GADL1: variants seen among roughly 807,000 people sequenced by gnomAD.
GADL1 encodes GAD like acidic amino acid decarboxylase 1.
Under a neutral mutation model 69.5 loss-of-function variants are expected in GADL1, and 71 were observed. The observed-to-expected ratio is 1.02, with a 90% CI of 0.84 to 1.25. GADL1 has a LOEUF of 1.25. Among genes scored for constraint, GADL1 ranks in the 50% most tolerant of loss-of-function variants. The pLI, the probability that GADL1 is intolerant of heterozygous loss-of-function variation, is 0.00. For missense variants in GADL1, 737 were observed against 631.8 expected, an observed-to-expected ratio of 1.17 and a Z score of -1.79; for synonymous variants, 254 against 214.4, an observed-to-expected ratio of 1.18 and a Z score of -1.62.
intron 14 of GADL1, among the ~76,000 whole-genome samples, chr3:30,752,949 T>A (rs993634926): frequency 8.2e-6 from 1 of 122,296 alleles, no homozygotes; most frequent in African/African-American, 3.4e-5. Flanking sequence ...CAATCCTCGT[T>A]TTTTAACTTG....
intron 14 of GADL1, among the ~76,000 whole-genome samples, chr3:30,757,464 G>T (rs936108741): frequency 1.3e-5 from 2 of 152,206 alleles, no homozygotes; most frequent in Non-Finnish European, 2.9e-5. Context: ...AGGGAAACCA[G>T]TTAGTCTCTT....
rs925584812 is a variant in GADL1, at chr3:30,861,639, A to G, written c.164T>C (p.Leu55Pro). ...GEKFVEEACR[L>P]IMEEVVLKAT... ...TTTCAAAACCACCTCTTCCATTATT[A>G]GCCTACAGGCCTCTTCAACAAATTT... Residue 55 changes from leucine to proline, a missense_variant, in exon 2 of 15, where the codon CTA (leucine) becomes CCA (proline). Transcript: ENST00000282538. The G allele has an allele frequency of 9.9e-5, 154 of 1,549,992 alleles. No individual in the cohort carries two copies. Among genetic ancestry groups the G allele is most frequent in the Non-Finnish European group, 1.2e-4 (138 of 1,145,972 alleles).
intron 14 of GADL1, among the ~76,000 whole-genome samples, chr3:30,742,080 C>G (rs191568723): frequency 6.6e-6 from 1 of 152,310 alleles, no homozygotes; most frequent in East Asian, 1.9e-4. Flanking sequence ...TGAGTAAAGA[C>G]GCTTCCAGAA....
Position 30,816,530 on chromosome 3 carries a change from C to CTTTTTTTTTT in GADL1, c.1051-15452_1051-15443dup, listed in dbSNP as rs773530741. 1.5e-3 allele frequency among the ~76,000 whole-genome samples: 82 copies of CTTTTTTTTTT among 53,984 alleles called. 24 individuals carry two copies. Among genetic ancestry groups the CTTTTTTTTTT allele is most frequent in the Non-Finnish European group, 2.1e-3 (54 of 25,434 alleles). 35.4% of individuals were successfully genotyped at this position (53,984 alleles called of 152,430 possible). A position where few individuals can be genotyped will look rare whatever the true frequency, so the allele number is the denominator to read the frequency against. On this transcript the variant is annotated intron_variant, in intron 11 of 14. Coordinates refer to ENST00000282538, the MANE Select transcript of GADL1 (RefSeq NM_207359.3). The stretch of plus-strand genomic sequence containing the variant: ...AGACCATATATTCTTAATTTGTTTT[C>CTTTTTTTTTT]TTTTTTTTTTTTTTTTTTTTTTTTT...
intron 14 of GADL1, among the ~76,000 whole-genome samples, chr3:30,729,662 C>T (rs564782621): frequency 3.3e-5 from 5 of 152,308 alleles, no homozygotes; most frequent in Admixed American, 1.3e-4. Flanking sequence ...TGACACTCAA[C>T]ACAATCTTGA....
intron 4 of GADL1, among the ~76,000 whole-genome samples, chr3:30,852,897 C>G (rs1698171441): frequency 6.6e-6 from 1 of 152,110 alleles, no homozygotes; most frequent in African/African-American, 2.4e-5. Flanking sequence ...TTTACTGTCT[C>G]TCCTGACTTA....
chr3:30,835,186 T>C (rs1175773806), intron 9 of GADL1, among the ~76,000 whole-genome samples: 2 of 152,024 alleles, frequency 1.3e-5, no homozygotes, highest in Admixed American at 6.6e-5. Flanking sequence ...AGATCTGAGA[T>C]TCAAAGCCCA....
intron 1 of GADL1, among the ~76,000 whole-genome samples, chr3:30,891,702 A>C (rs544423848): frequency 1.3e-5 from 2 of 152,340 alleles, no homozygotes; most frequent in East Asian, 3.9e-4. Context: ...TGACTTGTTA[A>C]CGAAGGTTAC....
intron 9 of GADL1, among the ~76,000 whole-genome samples, chr3:30,838,576 C>G (rs1697910291): frequency 1.3e-5 from 2 of 152,054 alleles, no homozygotes; most frequent in African/African-American, 4.8e-5. Flanking sequence ...AGAAAGATAC[C>G]TTACAGCCCA....
intron 9 of GADL1, among the ~76,000 whole-genome samples, chr3:30,836,595 C>T (rs1450323567): frequency 6.6e-6 from 1 of 151,874 alleles, no homozygotes. Context: ...ATATATTTGT[C>T]TTTAATTAGT....
intron 14 of GADL1, among the ~76,000 whole-genome samples, chr3:30,754,289 C>G (rs143941146): frequency 6.6e-6 from 1 of 152,104 alleles, no homozygotes; most frequent in African/African-American, 2.4e-5. Flanking sequence ...CACATGCAAG[C>G]CTTTTGTGGG....
chr3:30,750,406 A>G lies in GADL1; in HGVS notation c.1393-21991T>C, dbSNP rs532245660. On this transcript the variant is annotated intron_variant, in intron 14 of 14. Coordinates refer to ENST00000282538, the MANE Select transcript of GADL1 (RefSeq NM_207359.3). ...CTGTAACAGCACACGGAGTGGCACA[A>G]GTGGGTATGATGCATCGTCCACATC... Among the ~76,000 whole-genome samples the G allele has an allele frequency of 3.9e-5, 6 of 152,314 alleles. No individual in the cohort carries two copies. The South Asian group carries it at 1.2e-3, about 32-fold the overall frequency.
chr3:30,854,740 G>T lies in GADL1; in HGVS notation c.387C>A (p.Ser129=), dbSNP rs757744107. Residue 129 remains serine, a synonymous_variant, in exon 4 of 15, where the codon TCC becomes TCA. Transcript: ENST00000282538. The part of the protein sequence containing the change: ...NQLYAGLDYY[S]LVARFMTEAL... ...CTTCGGTCATAAATCGGGCCACCAAGGAGTAATAATCAAGTCCAGCATACA... is the reference window on the plus strand; with the variant it reads ...CTTCGGTCATAAATCGGGCCACCAATGAGTAATAATCAAGTCCAGCATACA... The T allele has an allele frequency of 5.8e-6, 9 of 1,549,818 alleles. No homozygotes were observed. The South Asian group carries it at 1.1e-4, about 18-fold the overall frequency.
chr3:30,748,487 C>A (rs552781914), intron 14 of GADL1, among the ~76,000 whole-genome samples: 1 of 152,036 alleles, frequency 6.6e-6, no homozygotes, highest in South Asian at 2.1e-4. Flanking sequence ...TTCCTTCTGC[C>A]GGAATGTCAG....
chr3:30,818,122 C>T (rs1361272510), intron 11 of GADL1, among the ~76,000 whole-genome samples: 1 of 152,112 alleles, frequency 6.6e-6, no homozygotes, highest in Non-Finnish European at 1.5e-5. Flanking sequence ...TAGACATGGG[C>T]ATAATGAACC....
chr3:30,801,192 A>G, intron 11 of GADL1, 104 bp from the exon 12 acceptor site: 1 of 802,604 alleles, frequency 1.2e-6, no homozygotes, highest in East Asian at 2.6e-5. Context: ...ACCTGTGCCA[A>G]GTGTACATCT....
chr3:30,847,038 A>C (rs1486350624), intron 6 of GADL1, among the ~76,000 whole-genome samples: 5 of 152,178 alleles, frequency 3.3e-5, no homozygotes, highest in African/African-American at 1.2e-4. Flanking sequence ...TTACTGCTTT[A>C]TGCTAATTCC....
At chr3:30,849,796 TAAAG>T (rs1223073939) in intron 6 of GADL1, among the ~76,000 whole-genome samples, 196 bp downstream of exon 6, 1 of 152,156 alleles carries the variant, frequency 6.6e-6, no homozygotes, top group Admixed American at 6.6e-5. Flanking sequence ...AAATTTTAAA[TAAAG>T]GTAATTATAC....
At chr3:30,865,752 G>A (rs556662704) in intron 1 of GADL1, among the ~76,000 whole-genome samples, 3 of 152,006 alleles carry the variant, frequency 2.0e-5, no homozygotes, top group South Asian at 2.1e-4. Context: ...CTTTCCTCTC[G>A]ATTCTTGTTA....
Sources: allele counts gnomAD v4.1 joint callset (sites outside exome capture counted in the v4.1 genomes callset), GRCh38; gene constraint gnomAD v4.1.1; transcripts MANE v1.5; gene names NCBI Gene and HGNC (gene_info 2026-07-23, HGNC 2026-07-21).